TBX18: variants seen among roughly 807,000 people sequenced by gnomAD.
TBX18 encodes the protein T-box transcription factor TBX18.
A neutral mutation model predicts 55.0 loss-of-function variants in TBX18; 21 were observed. The observed-to-expected ratio is 0.38, with a 90% CI of 0.27 to 0.55. The LOEUF (loss-of-function observed/expected upper bound fraction) is 0.55, where lower values mean the gene tolerates loss of function less well. Among genes scored for constraint, TBX18 ranks in the 20% least tolerant of loss-of-function variants. TBX18 has a pLI of 0.73. For synonymous variants in TBX18, 342 were observed against 326.1 expected, an observed-to-expected ratio of 1.05 and a Z score of -0.53; for missense variants, 840 against 799.6, an observed-to-expected ratio of 1.05 and a Z score of -0.61.
At chr6:84,740,032 C>T (rs1582065852) in intron 6 of TBX18, among the ~76,000 whole-genome samples, 3 of 152,144 alleles carry the variant, frequency 2.0e-5, no homozygotes, top group Admixed American at 6.5e-5. Flanking sequence ...CACAAACACA[C>T]CTCATGAGGC....
chr6:84,749,520 T>C (rs1415597071), intron 4 of TBX18, among the ~76,000 whole-genome samples: 1 of 151,322 alleles, frequency 6.6e-6, no homozygotes, highest in South Asian at 2.1e-4. Context: ...GTTTTCCTTG[T>C]ATCAGTGAAA....
At position 84,737,464 on chromosome 6, in the gene TBX18, A is replaced by G. The variant is rs16875080; in HGVS notation, c.1100-55T>C. The G allele has an allele frequency of 7.1e-3, 10,484 of 1,482,232 alleles. 605 individuals carry two copies. The African/African-American group carries it at 0.13, about 18-fold the overall frequency. The allele number at this position is 1,482,232 out of a possible 1,614,324, so 91.8% of individuals were successfully genotyped here. A position where few individuals can be genotyped will look rare whatever the true frequency, so the allele number is the denominator to read the frequency against. On this transcript the variant is annotated intron_variant, in intron 7 of 7. Coordinates refer to ENST00000369663, the MANE Select transcript of TBX18 (RefSeq NM_001080508.3). ...ACTCCACAGTCATCCTTTCCTTTCA[A>G]TTTTGTAAATATGAGCTAGACACAG...
chr6:84,754,229 A>C (rs1359130058), intron 4 of TBX18, among the ~76,000 whole-genome samples: 1 of 152,166 alleles, frequency 6.6e-6, no homozygotes, highest in Non-Finnish European at 1.5e-5. Flanking sequence ...TGCCCAGGCC[A>C]AGCCACCGTG....
chr6:84,759,559 A>G (rs960913311), intron 3 of TBX18, among the ~76,000 whole-genome samples: 2 of 152,100 alleles, frequency 1.3e-5, no homozygotes, highest in Non-Finnish European at 2.9e-5. Flanking sequence ...CAAAAAAAAA[A>G]AGAGTAAAGA....
chr6:84,750,963 G>A (rs1475636193), intron 4 of TBX18, among the ~76,000 whole-genome samples: 1 of 152,078 alleles, frequency 6.6e-6, no homozygotes. Flanking sequence ...ATTTTGGGGA[G>A]CAGGGGAGTT....
At chr6:84,752,869 C>T (rs1043729973) in intron 4 of TBX18, among the ~76,000 whole-genome samples, 2 of 152,100 alleles carry the variant, frequency 1.3e-5, no homozygotes, top group South Asian at 2.1e-4. Flanking sequence ...GCCACAGCAC[C>T]GTGGGTACAA....
intron 6 of TBX18, chr6:84,742,359 G>A (rs1767068583): frequency 6.6e-6 from 1 of 152,060 alleles, no homozygotes; most frequent in African/African-American, 2.4e-5. Context: ...ATCAAAGCTA[G>A]CATTTTGAAC....
At chr6:84,745,881 A>G (rs753493578) in intron 5 of TBX18, among the ~76,000 whole-genome samples, 9 of 152,154 alleles carry the variant, frequency 5.9e-5, no homozygotes, top group Non-Finnish European at 1.2e-4. Flanking sequence ...TCATTTAATT[A>G]CTAGAGCAAC....
At chr6:84,739,839 C>T (rs1259314905) in intron 6 of TBX18, among the ~76,000 whole-genome samples, 1 of 152,194 alleles carries the variant, frequency 6.6e-6, no homozygotes, top group Non-Finnish European at 1.5e-5. Flanking sequence ...TCTTACACTA[C>T]TTGTCCATCT....
intron 5 of TBX18, among the ~76,000 whole-genome samples, chr6:84,744,664 T>C (rs1167849704): frequency 6.6e-6 from 1 of 152,140 alleles, no homozygotes; most frequent in Non-Finnish European, 1.5e-5. Context: ...TGAACTGAAG[T>C]TCTTCCCTTT....
In TBX18 at chr6:84,736,501, G is replaced by T; in HGVS notation, c.*184C>A. 2 of 577,336 alleles carry T rather than the reference G, an allele frequency of 3.5e-6. No homozygotes were observed. Among genetic ancestry groups the T allele is most frequent in the Non-Finnish European group, 5.5e-6 (2 of 361,418 alleles). The allele number at this position is 577,336 out of a possible 1,614,324, so 35.8% of individuals were successfully genotyped here. A position where few individuals can be genotyped will look rare whatever the true frequency, so the allele number is the denominator to read the frequency against. On this transcript the variant is annotated 3_prime_UTR_variant, in exon 8 of 8. Transcript: ENST00000369663. ...ATACTCCATGTGCTATGTATATACA[G>T]CATACATATATACCATAGATAATTA...
intron 3 of TBX18, 86 bp downstream of exon 3, chr6:84,760,169 A>T: frequency 1.3e-6 from 1 of 759,574 alleles, no homozygotes; most frequent in South Asian, 4.5e-5. Flanking sequence ...GGAAGCAAAG[A>T]TCACAGTCCT....
intron 3 of TBX18, among the ~76,000 whole-genome samples, chr6:84,759,772 T>C (rs1767596620): frequency 6.6e-6 from 1 of 151,886 alleles, no homozygotes; most frequent in Non-Finnish European, 1.5e-5. Context: ...TTCTTACTTG[T>C]AGAAAACCTT....
chr6:84,756,800 G>A lies in TBX18; in HGVS notation c.669C>T (p.Tyr223=). Residue 223 remains tyrosine (Y), a synonymous_variant, in exon 4 of 8, where the codon TAC becomes TAT. Coordinates refer to ENST00000369663, the MANE Select transcript of TBX18 (RefSeq NM_001080508.3). ...NADSPVPPRV[Y]IHPDSPASGE... is the part of the protein sequence containing the mutation. ...CCGAGGCAGGCGAGTCTGGATGAATGTACACACGGGGTGGCACAGGCGAGT... is the reference window on the plus strand; with the variant it reads ...CCGAGGCAGGCGAGTCTGGATGAATATACACACGGGGTGGCACAGGCGAGT... 4.3e-6 allele frequency: 7 copies of A among 1,614,112 alleles called. No individual in the cohort carries two copies. The highest frequency in any genetic ancestry group is 5.9e-6 in the Non-Finnish European group (7 of 1,180,016).
intron 4 of TBX18, among the ~76,000 whole-genome samples, chr6:84,755,644 C>T (rs1052808933): frequency 1.3e-5 from 2 of 152,118 alleles, no homozygotes; most frequent in African/African-American, 4.8e-5. Flanking sequence ...TTTTTATTTC[C>T]ATTTTAAGTC....
intron 3 of TBX18, among the ~76,000 whole-genome samples, chr6:84,757,945 C>T (rs1767539908): frequency 6.6e-6 from 1 of 152,226 alleles, no homozygotes; most frequent in South Asian, 2.1e-4. Context: ...GTGTTATATA[C>T]ACATTTCTTT....
rs991486009 is a variant in TBX18, at chr6:84,734,725, G to A, written c.*1960C>T. ...TCTTATTAATACATATGGGTATAGA[G>A]CATTACTTTCCATGTTTTTTCAAGA... On this transcript the variant is annotated 3_prime_UTR_variant, in exon 8 of 8. Transcript: ENST00000369663. 6 of 152,464 alleles carry A rather than the reference G, an allele frequency of 3.9e-5. No homozygotes were observed. The highest frequency in any genetic ancestry group is 8.8e-5 in the Non-Finnish European group (6 of 68,000). The allele number at this position is 152,464 out of a possible 1,614,324, so 9.4% of individuals were successfully genotyped here.
intron 4 of TBX18, among the ~76,000 whole-genome samples, chr6:84,754,524 T>G (rs1417888492): frequency 6.6e-6 from 1 of 152,202 alleles, no homozygotes; most frequent in Non-Finnish European, 1.5e-5. Flanking sequence ...CATCTCTATA[T>G]TTTGCCTATT....
intron 3 of TBX18, among the ~76,000 whole-genome samples, chr6:84,759,690 C>A (rs1535050): frequency 0.1 from 15,422 of 151,266 alleles, 812 homozygotes; most frequent in African/African-American, 0.11. Context: ...ACCAAAAAAA[C>A]AACAGAAAGG....
Sources: gnomAD v4.1 joint callset for allele counts (sites outside exome capture counted in the v4.1 genomes callset) on GRCh38, gnomAD v4.1.1 for gene constraint, MANE v1.5 for transcripts, NCBI Gene and HGNC (gene_info 2026-07-23, HGNC 2026-07-21) for gene names.